AKAP8L: variants seen among roughly 807,000 people sequenced by gnomAD.
AKAP8L encodes the protein A-kinase anchoring protein 8 like, also known as A-kinase anchor protein 8-like.
In AKAP8L, 34 loss-of-function variants were observed where a neutral mutation model predicts 77.5. That is an observed-to-expected ratio of 0.44 (90% CI 0.33 to 0.58). The LOEUF (loss-of-function observed/expected upper bound fraction) is 0.58. Among genes scored for constraint, AKAP8L ranks in the 20% least tolerant of loss-of-function variants. The probability of loss-of-function intolerance (pLI) is 0.02; values close to 1 mark genes in which losing one functional copy is unlikely to be tolerated. For synonymous variants in AKAP8L, 342 were observed against 340.7 expected (o/e 1.00, Z -0.04); for missense variants, 806 against 887.6 (o/e 0.91, Z 1.17).
chr19:15,401,943 G>T lies in AKAP8L; in HGVS notation c.363-340C>A, dbSNP rs972442935. Among the ~76,000 whole-genome samples, 2 of 152,198 alleles carry T rather than the reference G, an allele frequency of 1.3e-5. No individual in the cohort carries two copies. Among genetic ancestry groups the T allele is most frequent in the Non-Finnish European group, 2.9e-5 (2 of 68,042 alleles). On this transcript the variant is annotated intron_variant, in intron 4 of 13. Transcript: ENST00000397410. The surrounding 1 kb of genome is among the most constrained non-coding windows in gnomAD (Gnocchi z 6.2). Reference sequence around the variant, plus strand: ...GTACACCATCTGTGGGAGCTGCAACGCCCAAGGCTGCTCCTCACAGGGCAA... The same window carrying T: ...GTACACCATCTGTGGGAGCTGCAACTCCCAAGGCTGCTCCTCACAGGGCAA...
chr19:15,388,987 G>C (rs1419449507), intron 12 of AKAP8L, among the ~76,000 whole-genome samples: 2 of 150,936 alleles, frequency 1.3e-5, no homozygotes, highest in Non-Finnish European at 2.9e-5. Flanking sequence ...GGCCGAGGCA[G>C]GCGGATCACA....
Position 15,418,987 on chromosome 19 carries a change from A to G in AKAP8L, c.-64T>C. 1 of 1,600,422 alleles carries G rather than the reference A, an allele frequency of 6.2e-7. No homozygotes were observed. On this transcript the variant is annotated 5_prime_UTR_variant, in exon 1 of 14. Transcript: ENST00000397410. ...GCTGCTCTGAACATCCGACGCTGCG[A>G]TAGCTGCTGCTAACCACAGGGTCCC...
rs760892478 is a variant in AKAP8L, at chr19:15,399,791, C to A, written c.1049-381G>T. 8.8e-5 allele frequency: 29 copies of A among 329,016 alleles called. No individual in the cohort carries two copies. Among genetic ancestry groups the A allele is most frequent in the Non-Finnish European group, 1.6e-4 (27 of 173,590 alleles). The allele number at this position is 329,016 out of a possible 1,614,324, so 20.4% of individuals were successfully genotyped here. A position where few individuals can be genotyped will look rare whatever the true frequency, so the allele number is the denominator to read the frequency against. ...GCCCTGCCCACCCCCAACCGGGCAC[C>A]GCGGCAACAGTGGGCTGACGCTGGA... On this transcript the variant is annotated intron_variant, in intron 8 of 13. Transcript: ENST00000397410. This position sits in a 1 kb window ranked among gnomAD's most constrained non-coding sequence, Gnocchi z 6.1.
In AKAP8L at chr19:15,397,288, G is replaced by T. The variant is rs1456871147; in HGVS notation, c.1406-8C>A. 6.2e-6 allele frequency: 10 copies of T among 1,613,712 alleles called. No homozygotes were observed. Among genetic ancestry groups the T allele is most frequent in the Non-Finnish European group, 7.6e-6 (9 of 1,179,830 alleles). On this transcript the variant is annotated splice_polypyrimidine_tract_variant and splice_region_variant and intron_variant, in intron 11 of 13. Transcript: ENST00000397410. The surrounding 1 kb of genome is among the most constrained non-coding windows in gnomAD (Gnocchi z 4.7). ...AATGCTCCATGGCAATTTCTGTAGT[G>T]GGGAGGAGGGAGTCACCACTGGGCC...
intron 4 of AKAP8L, among the ~76,000 whole-genome samples, chr19:15,402,148 A>G (rs1967913634): frequency 1.3e-5 from 2 of 152,184 alleles, no homozygotes; most frequent in East Asian, 3.8e-4. Context: ...AGTATTTCCC[A>G]GGGAAGACAC....
rs201469491 is a variant in AKAP8L, at chr19:15,392,699, C to T, written c.1536+4451G>A. On this transcript the variant is annotated intron_variant, in intron 12 of 13. Coordinates refer to ENST00000397410, the MANE Select transcript of AKAP8L (RefSeq NM_014371.4). ...ATCCCCCAAGGTCAGGAGTTCAAGA[C>T]CAGCCTCGCCAACATGGTGAAACCC... Among the ~76,000 whole-genome samples the T allele has an allele frequency of 5.9e-5, 9 of 151,540 alleles. No individual in the cohort carries two copies. In the East Asian group the frequency reaches 1.7e-3, roughly 29 times the overall value.
intron 1 of AKAP8L, among the ~76,000 whole-genome samples, chr19:15,411,590 T>C (rs1054564637): frequency 6.6e-5 from 10 of 152,184 alleles, no homozygotes; most frequent in African/African-American, 2.4e-4. Flanking sequence ...CGCCACTGCA[T>C]TCCAGCCTGG....
At chr19:15,415,561 G>A (rs189984418) in intron 1 of AKAP8L, among the ~76,000 whole-genome samples, 2 of 152,112 alleles carry the variant, frequency 1.3e-5, no homozygotes, top group East Asian at 3.9e-4. Context: ...CATGATCATA[G>A]CTCAGCAATG....
intron 12 of AKAP8L, among the ~76,000 whole-genome samples, chr19:15,389,642 G>A (rs1425307074): frequency 6.6e-6 from 1 of 152,130 alleles, no homozygotes; most frequent in African/African-American, 2.4e-5. Context: ...ATGGTGGTGT[G>A]CACCTGTAAT....
chr19:15,406,384 A>AGAGAGAGAGAGAGAGAGG (rs1967999879), intron 2 of AKAP8L, among the ~76,000 whole-genome samples: 1 of 149,378 alleles, frequency 6.7e-6, no homozygotes, highest in Non-Finnish European at 1.5e-5. Context: ...AGAGAGAGAG[A>AGAGAGAGAGAGAGAGAGG]GAGAGAGAGA....
intron 12 of AKAP8L, among the ~76,000 whole-genome samples, chr19:15,388,252 C>T (rs977514950): frequency 2.1e-5 from 3 of 141,476 alleles, no homozygotes; most frequent in Admixed American, 2.1e-4. Context: ...AGTAACAAGA[C>T]CCTGGGAGGG....
chr19:15,403,833 G>C lies in AKAP8L; in HGVS notation c.122-118C>G, dbSNP rs182737828. ...TCTGTCACAGAGAGAGAAGACCCTA[G>C]CCACTGAAGCTAGATGGGCCCTGGT... On this transcript the variant is annotated intron_variant, in intron 3 of 13. Transcript: ENST00000397410. This position sits in a 1 kb window ranked among gnomAD's most constrained non-coding sequence, Gnocchi z 4.3. The C allele has an allele frequency of 5.5e-6, 6 of 1,085,746 alleles. No homozygotes were observed. Among genetic ancestry groups the C allele is most frequent in the Non-Finnish European group, 6.8e-6 (5 of 735,762 alleles). The allele number at this position is 1,085,746 out of a possible 1,614,324, so 67.3% of individuals were successfully genotyped here. A position where few individuals can be genotyped will look rare whatever the true frequency, so the allele number is the denominator to read the frequency against.
At chr19:15,393,994 A>G (rs1309611645) in intron 12 of AKAP8L, among the ~76,000 whole-genome samples, 1 of 152,108 alleles carries the variant, frequency 6.6e-6, no homozygotes, top group African/African-American at 2.4e-5. Context: ...GAAATGTAAA[A>G]TGGTGCACAG....
Position 15,397,312 on chromosome 19 carries a change from C to A in AKAP8L, c.1406-32G>T, listed in dbSNP as rs765833078. 6.2e-7 allele frequency: 1 copy of A among 1,612,844 alleles called. No individual in the cohort carries two copies. The highest frequency in any genetic ancestry group is 1.1e-5 in the South Asian group (1 of 91,034). ...TGGGGAGGAGGGAGTCACCACTGGG[C>A]CCAGGTGCCTAAGATAGACCCAGGT... is the stretch of plus-strand genomic sequence containing the variant. On this transcript the variant is annotated intron_variant, in intron 11 of 13. Transcript: ENST00000397410. The surrounding 1 kb of genome is among the most constrained non-coding windows in gnomAD (Gnocchi z 4.7).
intron 1 of AKAP8L, among the ~76,000 whole-genome samples, chr19:15,414,141 C>T (rs544631745): frequency 4.0e-5 from 6 of 150,490 alleles, no homozygotes; most frequent in East Asian, 2.0e-4. Flanking sequence ...CTCGGTTCAC[C>T]GCAACCTCCA....
chr19:15,391,327 G>A (rs910277692), intron 12 of AKAP8L, among the ~76,000 whole-genome samples: 4 of 150,380 alleles, frequency 2.7e-5, no homozygotes, highest in East Asian at 4.0e-4. Flanking sequence ...GCGTGGTGGC[G>A]GGCACCTGTA....
intron 1 of AKAP8L, among the ~76,000 whole-genome samples, chr19:15,416,329 A>G (rs1286567355): frequency 1.3e-5 from 2 of 152,210 alleles, no homozygotes; most frequent in South Asian, 2.1e-4. Flanking sequence ...AGTGCAACCA[A>G]TAAGATTTAT....
At chr19:15,385,746 C>G (rs976751563) in intron 12 of AKAP8L, among the ~76,000 whole-genome samples, 1 of 151,482 alleles carries the variant, frequency 6.6e-6, no homozygotes, top group African/African-American at 2.4e-5. Flanking sequence ...ACCACAGGCC[C>G]CAGTACCTGG....
At chr19:15,402,376 G>A (rs531053613) in intron 4 of AKAP8L, among the ~76,000 whole-genome samples, 1 of 152,262 alleles carries the variant, frequency 6.6e-6, no homozygotes, top group East Asian at 1.9e-4. Flanking sequence ...CACAGGCACA[G>A]GGGCTCCCCT....
Sources: gnomAD v4.1 joint callset for allele counts (sites outside exome capture counted in the v4.1 genomes callset) on GRCh38, gnomAD v4.1.1 for gene constraint, Gnocchi (gnomAD v3.1) non-coding constraint, MANE v1.5 for transcripts, NCBI Gene and HGNC (gene_info 2026-07-23, HGNC 2026-07-21) for gene names.